Variants in PRKG1 observed in about 807,000 individuals in gnomAD.
PRKG1 encodes the protein protein kinase cGMP-dependent 1.
In PRKG1, 35 loss-of-function variants were observed where a neutral mutation model predicts 88.1. That is an observed-to-expected ratio of 0.40 (90% confidence interval 0.30 to 0.53). PRKG1 has a LOEUF of 0.53. PRKG1 is among the 20% of genes least tolerant of loss of function. PRKG1 has a pLI of 0.59. For missense variants in PRKG1, 540 were observed against 839.8 expected (o/e 0.64, Z 4.41); for synonymous variants, 303 against 292.5 (o/e 1.04, Z -0.37).
At chr10:51,893,399 C>T (rs1841769744) in intron 4 of PRKG1, among the ~76,000 whole-genome samples, 1 of 151,978 alleles carries the variant, frequency 6.6e-6, no homozygotes, top group African/African-American at 2.4e-5. Flanking sequence ...AGATGTGCTC[C>T]CTCCTCTGGG....
intron 17 of PRKG1, among the ~76,000 whole-genome samples, chr10:52,290,910 C>CTT (rs746256641): frequency 0.01 from 1,271 of 122,856 alleles, 12 homozygotes; most frequent in African/African-American, 0.026. Context: ...CATGATCACT[C>CTT]TTTTTTTTTT....
At chr10:51,450,668 A>G (rs758380422) in intron 2 of PRKG1, among the ~76,000 whole-genome samples, 30 of 151,970 alleles carry the variant, frequency 2.0e-4, no homozygotes, top group Non-Finnish European at 3.7e-4. Flanking sequence ...ACAAACTAAT[A>G]AACAGTTGCA....
intron 3 of PRKG1, among the ~76,000 whole-genome samples, chr10:51,637,780 A>G (rs76865282): frequency 6.6e-6 from 1 of 152,144 alleles, no homozygotes. Flanking sequence ...CAGGGGGTGG[A>G]AGGAGTGAGA....
intron 1 of PRKG1, among the ~76,000 whole-genome samples, chr10:51,034,385 T>C (rs1288911552): frequency 6.6e-6 from 1 of 151,976 alleles, no homozygotes; most frequent in Non-Finnish European, 1.5e-5. Context: ...CAGAATATTA[T>C]CATGCACTTC....
intron 3 of PRKG1, among the ~76,000 whole-genome samples, chr10:51,542,668 G>A (rs561277644): frequency 6.4e-4 from 33 of 51,438 alleles, no homozygotes; most frequent in Admixed American, 1.2e-3. Context: ...CTTGTGTTTC[G>A]CATGATAGTC....
intron 2 of PRKG1, among the ~76,000 whole-genome samples, chr10:51,442,517 G>T (rs1839145954): frequency 6.6e-6 from 1 of 151,956 alleles, no homozygotes; most frequent in African/African-American, 2.4e-5. Context: ...AAATGTGACT[G>T]AATTTATCAA....
intron 2 of PRKG1, among the ~76,000 whole-genome samples, chr10:51,188,678 G>A (rs1011252845): frequency 6.6e-6 from 1 of 151,822 alleles, no homozygotes; most frequent in South Asian, 2.1e-4. Flanking sequence ...CCTGGTTGGG[G>A]TATGGCTGAC....
At chr10:52,271,197 G>A (rs975799439) in intron 10 of PRKG1, among the ~76,000 whole-genome samples, 153 bp from the exon 11 acceptor site, 8 of 151,946 alleles carry the variant, frequency 5.3e-5, no homozygotes, top group Non-Finnish European at 1.0e-4. Context: ...AGCCCTGGAT[G>A]TTAAACGCAG....
intron 4 of PRKG1, among the ~76,000 whole-genome samples, chr10:51,845,187 G>A (rs866468909): frequency 2.9e-4 from 44 of 152,112 alleles, no homozygotes; most frequent in African/African-American, 9.2e-4. Flanking sequence ...CCAAGATAAC[G>A]TATGCTTTCC....
intron 1 of PRKG1, among the ~76,000 whole-genome samples, chr10:51,089,457 A>G (rs1371607209): frequency 2.0e-5 from 3 of 152,210 alleles, no homozygotes; most frequent in African/African-American, 7.2e-5. Flanking sequence ...CATTAATCAC[A>G]TAAGGAAATA....
intron 8 of PRKG1, among the ~76,000 whole-genome samples, chr10:52,161,284 C>T (rs1838269394): frequency 6.6e-6 from 1 of 151,998 alleles, no homozygotes; most frequent in African/African-American, 2.4e-5. Flanking sequence ...AATCATTCCT[C>T]CTGTTATATG....
intron 5 of PRKG1, among the ~76,000 whole-genome samples, chr10:51,977,306 G>A (rs778140679): frequency 1.6e-4 from 24 of 151,966 alleles, no homozygotes; most frequent in South Asian, 6.2e-4. Flanking sequence ...GATCTTATTC[G>A]TTTTTATGTC....
At chr10:51,473,171 A>G (rs929074471) in intron 3 of PRKG1, among the ~76,000 whole-genome samples, 4 of 151,950 alleles carry the variant, frequency 2.6e-5, no homozygotes, top group Admixed American at 2.6e-4. Context: ...GAAATTAGTA[A>G]CATAAATCCA....
chr10:51,184,243 A>G (rs185141817), intron 2 of PRKG1, among the ~76,000 whole-genome samples: 9 of 152,316 alleles, frequency 5.9e-5, no homozygotes, highest in Admixed American at 1.3e-4. Flanking sequence ...CATTCACAAG[A>G]TAAAAGTCGA....
chr10:52,154,754 G>C (rs931941593), intron 8 of PRKG1, among the ~76,000 whole-genome samples: 8 of 151,994 alleles, frequency 5.3e-5, no homozygotes, highest in African/African-American at 1.7e-4. Context: ...CCCTAATAGC[G>C]TACACTGTAC....
intron 9 of PRKG1, among the ~76,000 whole-genome samples, chr10:52,226,336 A>T (rs1353597158): frequency 6.6e-6 from 1 of 152,128 alleles, no homozygotes; most frequent in East Asian, 1.9e-4. Context: ...TACCAGTCTC[A>T]AGAGAGTTAG....
Position 52,044,644 on chromosome 10 carries a change from A to C in PRKG1, c.763-9840A>C, listed in dbSNP as rs568519263. On this transcript the variant is annotated intron_variant, in intron 5 of 17. Coordinates refer to ENST00000373980, the MANE Select transcript of PRKG1 (RefSeq NM_006258.4). ...AGTACACACATAATTATTTACATGC[A>C]CAAACCAAACACTTTTCCAGATTAT... is the stretch of plus-strand genomic sequence containing the variant. 2.0e-5 allele frequency among the ~76,000 whole-genome samples: 3 copies of C among 152,292 alleles called. No homozygotes were observed. In the South Asian group the frequency reaches 6.2e-4, roughly 32 times the overall value.
intron 3 of PRKG1, among the ~76,000 whole-genome samples, chr10:51,570,785 A>G (rs537699269): frequency 1.3e-5 from 2 of 152,060 alleles, no homozygotes; most frequent in East Asian, 1.9e-4. Context: ...ATGAAGCCAG[A>G]CAAAAGAAAT....
intron 3 of PRKG1, chr10:51,699,534 C>T (rs766978428): frequency 6.2e-7 from 1 of 1,610,262 alleles, no homozygotes. Context: ...GGGTCTCTCA[C>T]CGCCAAACTC....
Sources: allele counts gnomAD v4.1 joint callset (sites outside exome capture counted in the v4.1 genomes callset), GRCh38; gene constraint gnomAD v4.1.1; transcripts MANE v1.5; gene names NCBI Gene and HGNC (gene_info 2026-07-23, HGNC 2026-07-21).